The following ZNF536 variants were observed in gnomAD, a reference collection of about 807,000 sequenced individuals.
ZNF536 encodes the protein zinc finger protein 536.
In ZNF536, 13 loss-of-function variants were observed where a neutral mutation model predicts 84.5. The observed-to-expected ratio is 0.15, with a 90% CI of 0.10 to 0.24. The LOEUF is 0.24. Among genes scored for constraint, ZNF536 ranks in the 10% least tolerant of loss-of-function variants. ZNF536 has a pLI of 1.00. For missense variants in ZNF536, 1,536 were observed against 1,747.5 expected (o/e 0.88, Z 2.16); for synonymous variants, 811 against 742.5 (o/e 1.09, Z -1.50).
At chr19:30,341,888 G>T (rs1285176416) in intron 2 of ZNF536, among the ~76,000 whole-genome samples, 1 of 152,204 alleles carries the variant, frequency 6.6e-6, no homozygotes, top group African/African-American at 2.4e-5. Flanking sequence ...CTGAAAGATA[G>T]TACATGCTGG....
chr19:30,465,253 G>T (rs962900694), intron 2 of ZNF536, among the ~76,000 whole-genome samples: 1 of 151,986 alleles, frequency 6.6e-6, no homozygotes, highest in Non-Finnish European at 1.5e-5. Flanking sequence ...TGCTCTCCCC[G>T]CAGACCATCC....
At chr19:30,643,367 AAG>A (rs1395660592) in intron 1 of ZNF536, among the ~76,000 whole-genome samples, 2 of 152,206 alleles carry the variant, frequency 1.3e-5, no homozygotes, top group Non-Finnish European at 2.9e-5. Context: ...AAGATTTGGA[AAG>A]AGTCCCATGA....
intron 3 of ZNF536, among the ~76,000 whole-genome samples, chr19:30,363,853 A>G (rs149929910): frequency 3.3e-5 from 5 of 152,118 alleles, no homozygotes; most frequent in Non-Finnish European, 5.9e-5. Flanking sequence ...ATATTCACCA[A>G]TCGAGATGGG....
chr19:30,451,464 C>T (rs879584427), intron 2 of ZNF536, among the ~76,000 whole-genome samples: 4 of 152,212 alleles, frequency 2.6e-5, no homozygotes, highest in Admixed American at 6.5e-5. Flanking sequence ...TTTCTGACCC[C>T]TTTACATGGA....
intron 3 of ZNF536, among the ~76,000 whole-genome samples, chr19:30,365,493 G>A (rs1217628983): frequency 6.6e-6 from 1 of 152,218 alleles, no homozygotes; most frequent in African/African-American, 2.4e-5. Context: ...TTGGTGGGGG[G>A]AAGATGCTGC....
Position 30,549,430 on chromosome 19 carries a change from T to C in ZNF536, c.3811T>C (p.Tyr1271His), listed in dbSNP as rs1162400559. Reference protein sequence around the residue: ...PMNMLSVLRAYSSDGLAAFNG... With the variant: ...PMNMLSVLRAHSSDGLAAFNG... ...GAACATGCTGTCGGTCCTCAGGGCC[T>C]ACAGTTCTGATGGCTTAGCAGCCTT... The change falls in exon 4 of 5, where the codon TAC (tyrosine) becomes CAC (histidine). Residue 1271 changes from tyrosine to histidine, a missense_variant. Coordinates refer to ENST00000355537, the MANE Select transcript of ZNF536 (RefSeq NM_014717.3). 6.4e-7 allele frequency: 1 copy of C among 1,570,034 alleles called. No individual in the cohort carries two copies. The highest frequency in any genetic ancestry group is 1.9e-5 in the Admixed American group (1 of 53,256).
At chr19:30,383,221 C>T (rs1462527412) in intron 1 of ZNF536, among the ~76,000 whole-genome samples, 4 of 152,076 alleles carry the variant, frequency 2.6e-5, no homozygotes, top group Non-Finnish European at 4.4e-5. Context: ...ACCCAGGAGG[C>T]GGAGGTTGCA....
chr19:30,513,051 A>G (rs1333749983), intron 2 of ZNF536, among the ~76,000 whole-genome samples: 1 of 151,884 alleles, frequency 6.6e-6, no homozygotes, highest in South Asian at 2.1e-4. Context: ...CTTTTCTTTC[A>G]TATTTTCTTT....
chr19:30,297,890 T>C (rs1448320505), intron 2 of ZNF536, among the ~76,000 whole-genome samples: 1 of 141,386 alleles, frequency 7.1e-6, no homozygotes, highest in Non-Finnish European at 1.5e-5. Flanking sequence ...TTTTTTTTTT[T>C]CTCAAGACGG....
At chr19:30,358,691 C>T (rs757350220) in intron 3 of ZNF536, among the ~76,000 whole-genome samples, 1 of 152,176 alleles carries the variant, frequency 6.6e-6, no homozygotes, top group Non-Finnish European at 1.5e-5. Context: ...TAACTTGTGC[C>T]AATACTCGGG....
intron 1 of ZNF536, among the ~76,000 whole-genome samples, chr19:30,645,690 C>T (rs2049440308): frequency 6.6e-6 from 1 of 152,210 alleles, no homozygotes; most frequent in Admixed American, 6.5e-5. Context: ...ATCTTCTCCA[C>T]AGGCTTGTCA....
rs768474619 is a variant in ZNF536 at position 30,547,977 on chromosome 19, T to C, written c.2358T>C (p.Tyr786=). 1.8e-5 allele frequency: 28 copies of C among 1,590,484 alleles called. No homozygotes were observed. The highest frequency in any genetic ancestry group is 1.7e-4 in the Middle Eastern group (1 of 5,924). The change falls in exon 4 of 5, where the codon TAT becomes TAC. Residue 786 remains tyrosine (Y), a synonymous_variant. Transcript: ENST00000355537. ...EKPYKCPHCD[Y]AGTQSASLKY... Reference sequence around the variant, plus strand: ...CCTACAAGTGTCCGCACTGTGACTATGCCGGCACGCAGTCAGCATCCTTAA... The same window carrying C: ...CCTACAAGTGTCCGCACTGTGACTACGCCGGCACGCAGTCAGCATCCTTAA...
At chr19:30,526,218 C>T (rs925546287) in intron 2 of ZNF536, among the ~76,000 whole-genome samples, 4 of 152,212 alleles carry the variant, frequency 2.6e-5, no homozygotes, top group Non-Finnish European at 4.4e-5. Flanking sequence ...AAACCTTGCC[C>T]GCTGCATCCA....
At chr19:30,404,019 C>CTTT (rs11336660) in intron 1 of ZNF536, among the ~76,000 whole-genome samples, 79 of 123,332 alleles carry the variant, frequency 6.4e-4, no homozygotes, top group Non-Finnish European at 9.5e-4. Context: ...TTCCTTTCCT[C>CTTT]TTTTTTTTTT....
rs2050752779 is a variant in ZNF536, at chr19:30,676,337, A to G, written c.170-34420A>G. 2.0e-5 allele frequency among the ~76,000 whole-genome samples: 3 copies of G among 152,226 alleles called. No individual in the cohort carries two copies. The South Asian group carries it at 6.2e-4, about 31-fold the overall frequency. ...CTGTGCCCATTGAGAGTCTATGGCC[A>G]TCTGTGAATGTGTAAAGAAGATGGC... On this transcript the variant is annotated intron_variant, in intron 1 of 1. Coordinates refer to the ZNF536 transcript ENST00000592773.
intron 1 of ZNF536, among the ~76,000 whole-genome samples, chr19:30,592,468 C>T (rs1276747919): frequency 6.6e-6 from 1 of 152,104 alleles, no homozygotes; most frequent in African/African-American, 2.4e-5. Context: ...TGAACCAAGG[C>T]CTCCTTTGCT....
downstream of ZNF536, among the ~76,000 whole-genome samples, chr19:30,558,671 G>A (rs180765548): frequency 2.3e-4 from 35 of 152,286 alleles, 1 homozygote; most frequent in East Asian, 1.4e-3. Context: ...GGGAAGAACC[G>A]ATTTTGCTTT....
chr19:30,532,451 C>G (rs2044876241), intron 2 of ZNF536, among the ~76,000 whole-genome samples: 1 of 152,154 alleles, frequency 6.6e-6, no homozygotes, highest in South Asian at 2.1e-4. Flanking sequence ...ACTTCTGAAA[C>G]CTGCCCCTGC....
intron 2 of ZNF536, among the ~76,000 whole-genome samples, chr19:30,515,809 C>T (rs901305060): frequency 6.6e-6 from 1 of 151,808 alleles, no homozygotes; most frequent in Non-Finnish European, 1.5e-5. Context: ...ACAGATCACC[C>T]GAGGTCAGGA....
Sources: allele counts gnomAD v4.1 joint callset (sites outside exome capture counted in the v4.1 genomes callset), GRCh38; gene constraint gnomAD v4.1.1; transcripts MANE v1.5; gene names NCBI Gene and HGNC (gene_info 2026-07-23, HGNC 2026-07-21).